Variants in SYNE2 observed in about 807,000 individuals in gnomAD.
SYNE2 encodes the protein nesprin-2.
In SYNE2, 431 loss-of-function variants were observed where a neutral mutation model predicts 856.3. The ratio of observed to expected loss-of-function variants is 0.50; its 90% CI spans 0.47 to 0.55. SYNE2 has a LOEUF of 0.55. Ranked by LOEUF, SYNE2 falls within the 20% of genes least tolerant of loss-of-function variation. SYNE2 has a pLI of 0.00. For synonymous variants in SYNE2, 2,923 were observed against 2,872.3 expected, an observed-to-expected ratio of 1.02 and a Z score of -0.56; for missense variants, 8,129 against 8,023.2, an observed-to-expected ratio of 1.01 and a Z score of -0.50.
intron 33 of SYNE2, 31 bp from the exon 34 acceptor site, chr14:64,017,564 A>C (rs1245022897): frequency 2.5e-6 from 4 of 1,572,686 alleles, no homozygotes; most frequent in African/African-American, 2.7e-5. Context: ...TCACTGCTAC[A>C]TATGTTGTTT....
rs1220313645 is a variant in SYNE2 at position 63,961,382 on chromosome 14, CAG to C, written c.788-139_788-138del. 41 of 709,762 alleles carry C rather than the reference CAG, an allele frequency of 5.8e-5. No homozygotes were observed. The Admixed American group carries it at 8.1e-4, about 14-fold the overall frequency. 44.0% of individuals were successfully genotyped at this position (709,762 alleles called of 1,614,324 possible). On this transcript the variant is annotated intron_variant, in intron 8 of 115. Coordinates refer to ENST00000555002, the MANE Select transcript of SYNE2 (RefSeq NM_182914.3). ...CAGTCTTGCAGCAAGGCTGAGTAAA[CAG>C]AGATTGGATGGCTGGGTGACTACTT...
chr14:64,030,937 A>T, intron 44 of SYNE2, 79 bp from the exon 45 acceptor site: 1 of 1,105,758 alleles, frequency 9.0e-7, no homozygotes, highest in Non-Finnish European at 1.4e-6. Context: ...GTGAAGCAAG[A>T]GTACTCTGTG....
rs527398162 is a variant in SYNE2, at chr14:64,079,460, T to C, written c.11163+854T>C. ...AATAGGTCAGAGTATGGCTCACTAT[T>C]GGACAAATCTTAAGCAGAGGAACCT... On this transcript the variant is annotated intron_variant, in intron 55 of 115. Transcript: ENST00000555002. Among the ~76,000 whole-genome samples, 6 of 152,352 alleles carry C rather than the reference T, an allele frequency of 3.9e-5. 1 individual carries two copies. The highest frequency in any genetic ancestry group is 1.4e-4 in the African/African-American group (6 of 41,576).
upstream of SYNE2, among the ~76,000 whole-genome samples, chr14:63,851,106 T>C (rs866961593): frequency 1.3e-5 from 2 of 152,178 alleles, no homozygotes; most frequent in Non-Finnish European, 1.5e-5. Flanking sequence ...CTCATGCCTG[T>C]AATCCCAGCG....
Position 64,007,100 on chromosome 14 carries a change from A to C in SYNE2, c.4455A>C (p.Arg1485Ser). 6.2e-7 allele frequency: 1 copy of C among 1,613,408 alleles called. No individual in the cohort carries two copies. Among genetic ancestry groups the C allele is most frequent in the South Asian group, 1.1e-5 (1 of 91,054 alleles). The change falls in exon 31 of 116, where the codon AGA (arginine) becomes AGC (serine). Residue 1485 changes from arginine (R) to serine (S), a missense_variant. Around this residue, in one of 3 missense-constraint regions of SYNE2, gnomAD observed 2,422 missense variants for 2,357.4 expected, o/e 1.03. Transcript: ENST00000555002. ...TAGATGAATATGAAGAAGAGAAGAG[A>C]CATTTACAAGAAATGGCTAATTCTC... is the stretch of plus-strand genomic sequence containing the variant. ...KVLDEYEEEK[R>S]HLQEMANSLP...
chr14:64,021,687 A>C (rs182432166), intron 36 of SYNE2, among the ~76,000 whole-genome samples, 170 bp from the exon 37 acceptor site: 479 of 152,350 alleles, frequency 3.1e-3, no homozygotes, highest in African/African-American at 0.011. Flanking sequence ...TGTGCATGAT[A>C]ATTATTTGAT....
At chr14:64,183,979 AGGGGAG>A (rs1441782966) in intron 96 of SYNE2, among the ~76,000 whole-genome samples, 15 of 4,046 alleles carry the variant, frequency 3.7e-3, no homozygotes, top group African/African-American at 7.9e-3. Context: ...GGGGAGGGGG[AGGGGAG>A]GGGGAGAGGG....
Position 64,141,484 on chromosome 14 carries a change from C to T in SYNE2, c.15120C>T (p.Leu5040=). The change falls in exon 81 of 116, where the codon CTC becomes CTT. Residue 5040 remains leucine (L), a synonymous_variant. Coordinates refer to ENST00000555002, the MANE Select transcript of SYNE2 (RefSeq NM_182914.3). The part of the protein sequence containing the change: ...LAQFEQKWTM[L]ITQLPDIQEK... ...AGTTTGAACAAAAATGGACAATGCT[C>T]ATAACTCAACTTCCAGATATTCAAG... is the stretch of plus-strand genomic sequence containing the variant. 1 of 1,614,056 alleles carries T rather than the reference C, an allele frequency of 6.2e-7. No individual in the cohort carries two copies. The highest frequency in any genetic ancestry group is 8.5e-7 in the Non-Finnish European group (1 of 1,179,958).
intron 3 of SYNE2, among the ~76,000 whole-genome samples, chr14:63,940,899 AT>A (rs1417223325): frequency 6.6e-6 from 1 of 152,172 alleles, no homozygotes; most frequent in East Asian, 1.9e-4. Flanking sequence ...TGTTGAGGAT[AT>A]GGGACAGTGC....
At chr14:63,835,664 C>A (rs1327104336) in intron 1 of SYNE2, among the ~76,000 whole-genome samples, 2 of 151,942 alleles carry the variant, frequency 1.3e-5, no homozygotes, top group East Asian at 3.8e-4. Context: ...TCTAGTACCT[C>A]ATTTCTTAAA....
In SYNE2 at chr14:63,891,471, G is replaced by C. The variant is rs967553039; in HGVS notation, c.-51-17627G>C. Among the ~76,000 whole-genome samples, 6 of 152,206 alleles carry C rather than the reference G, an allele frequency of 3.9e-5. No individual in the cohort carries two copies. The East Asian group carries it at 1.2e-3, about 29-fold the overall frequency. ...CTTCTTCATTGATGGGAATTGTTAA[G>C]AGACATCCCCCTTTTCCTGGTGCAG... On this transcript the variant is annotated intron_variant, in intron 1 of 115. Transcript: ENST00000555002.
In SYNE2 at chr14:64,030,302, C is replaced by G. The variant is rs77488969; in HGVS notation, c.6879+243C>G. On this transcript the variant is annotated intron_variant, in intron 44 of 115. Transcript: ENST00000555002. ...GACAGTTTTACCCACTAGACTGTAG[C>G]ACCTTGAAAGGCCTGTATGTTACTT... Among the ~76,000 whole-genome samples, 377 of 152,294 alleles carry G rather than the reference C, an allele frequency of 2.5e-3. 5 individuals carry two copies. Among genetic ancestry groups the G allele is most frequent in the South Asian group, 0.015 (74 of 4,824 alleles).
chr14:63,943,629 T>C (rs1389129116), intron 6 of SYNE2, among the ~76,000 whole-genome samples: 1 of 151,696 alleles, frequency 6.6e-6, no homozygotes, highest in Non-Finnish European at 1.5e-5. Flanking sequence ...GAGGCTTAAA[T>C]TGTATCTGTG....
intron 68 of SYNE2, 127 bp from the exon 69 acceptor site, chr14:64,121,885 G>C (rs1367581109): frequency 8.5e-6 from 11 of 1,288,104 alleles, no homozygotes; most frequent in Non-Finnish European, 1.1e-5. Context: ...AGGAATGCAA[G>C]AAAGAGAAAT....
intron 1 of SYNE2, among the ~76,000 whole-genome samples, chr14:63,783,041 G>T (rs1027108452): frequency 1.3e-5 from 2 of 152,092 alleles, no homozygotes; most frequent in Non-Finnish European, 2.9e-5. Flanking sequence ...GAAGGATATT[G>T]ATATGGTTTG....
At chr14:63,949,706 C>T (rs1364454848) in intron 6 of SYNE2, 119 bp from the exon 7 acceptor site, 2 of 995,860 alleles carry the variant, frequency 2.0e-6, no homozygotes, top group Admixed American at 1.7e-5. Flanking sequence ...TTCATTTCAC[C>T]AGGAGTAAAC....
chr14:64,145,991 T>C (rs941215236), intron 83 of SYNE2, 77 bp from the exon 84 acceptor site: 1 of 1,092,814 alleles, frequency 9.2e-7, no homozygotes, highest in Admixed American at 3.3e-5. Flanking sequence ...AAAATTGTTT[T>C]TTAAAAAATA....
intron 1 of SYNE2, chr14:63,873,404 TG>T (rs2140431335): frequency 6.6e-6 from 1 of 152,322 alleles, no homozygotes; most frequent in African/African-American, 2.4e-5. Flanking sequence ...TTTTGTTTTT[TG>T]TTTTTTTTTA....
chr14:64,224,924 G>T, intron 114 of SYNE2, 75 bp from the exon 115 acceptor site: 1 of 1,234,984 alleles, frequency 8.1e-7, no homozygotes, highest in South Asian at 1.3e-5. Flanking sequence ...ATTTAAGGGA[G>T]GATTTTTTTT....
Sources: gnomAD v4.1 joint callset for allele counts (sites outside exome capture counted in the v4.1 genomes callset) on GRCh38, gnomAD v4.1.1 for gene constraint, gnomAD v4.1.1 regional missense constraint, MANE v1.5 for transcripts, NCBI Gene and HGNC (gene_info 2026-07-23, HGNC 2026-07-21) for gene names.